NCBP3: variants seen among roughly 807,000 people sequenced by gnomAD.
NCBP3 encodes nuclear cap binding subunit 3, also known as nuclear cap-binding protein subunit 3.
NCBP3 carries 20 observed loss-of-function variants against 75.7 expected under a neutral mutation model. The observed-to-expected ratio is 0.26, with a 90% CI of 0.19 to 0.38. The LOEUF is 0.38. NCBP3 is among the 10% of genes least tolerant of loss of function. NCBP3 has a pLI of 1.00. For missense variants in NCBP3, 678 were observed against 796.9 expected, an observed-to-expected ratio of 0.85 and a Z score of 1.80; for synonymous variants, 293 against 290.5, an observed-to-expected ratio of 1.01 and a Z score of -0.09.
At chr17:3,816,804 C>T (rs1266833892) in intron 10 of NCBP3, among the ~76,000 whole-genome samples, 2 of 152,158 alleles carry the variant, frequency 1.3e-5, no homozygotes, top group African/African-American at 4.8e-5. Context: ...GAAGCTGAGG[C>T]GGGCGGATCA....
chr17:3,814,336 C>T lies in NCBP3; in HGVS notation c.1613G>A (p.Arg538Gln), dbSNP rs566972085. The change falls in exon 12 of 13, where the codon CGG (arginine) becomes CAG (glutamine). Residue 538 changes from arginine (R) to glutamine (Q), a missense_variant. This residue lies in a region of NCBP3 where 365 missense variants were observed against 392.7 expected (regional missense o/e 0.93). Coordinates refer to ENST00000389005, the MANE Select transcript of NCBP3 (RefSeq NM_001114118.3). Reference protein sequence around the residue: ...QDSKGLYADTREKKSGNLWTR... With the variant: ...QDSKGLYADTQEKKSGNLWTR... The stretch of plus-strand genomic sequence containing the variant: ...GTGTTACCAACCTGATTTCTTCTCC[C>T]GAGTATCGGCGTAGAGGCCTTTACT... The T allele has an allele frequency of 2.5e-5, 41 of 1,614,024 alleles. No homozygotes were observed. The highest frequency in any genetic ancestry group is 2.1e-4 in the South Asian group (19 of 91,056).
chr17:3,843,243 CTTT>C (rs5818919), intron 1 of NCBP3, 92 bp from the exon 2 acceptor site: 1,748 of 688,830 alleles, frequency 2.5e-3, no homozygotes, highest in Middle Eastern at 3.1e-3. Context: ...TTCTTTTTTC[CTTT>C]TTTTTTTTTT....
chr17:3,824,758 T>C (rs1435784098), intron 7 of NCBP3, 184 bp downstream of exon 7: 2 of 370,088 alleles, frequency 5.4e-6, no homozygotes, highest in Non-Finnish European at 9.6e-6. Flanking sequence ...ATAGTTAATA[T>C]TCACTTTTAA....
Position 3,807,610 on chromosome 17 carries a change from GA to G in NCBP3, c.*5433del, listed in dbSNP as rs1317763688. On this transcript the variant is annotated 3_prime_UTR_variant, in exon 13 of 13. Coordinates refer to ENST00000389005, the MANE Select transcript of NCBP3 (RefSeq NM_001114118.3). ...AAGGATACAGAGATAACACCACAAA[GA>G]AACTTGCTCATTAGGAGCTTGCTTA... is the stretch of plus-strand genomic sequence containing the variant. The G allele has an allele frequency of 1.3e-5, 2 of 152,136 alleles. No individual in the cohort carries two copies. The highest frequency in any genetic ancestry group is 2.9e-5 in the Non-Finnish European group (2 of 68,032). 9.4% of individuals were successfully genotyped at this position (152,136 alleles called of 1,614,324 possible).
chr17:3,816,006 G>T, intron 11 of NCBP3, 110 bp downstream of exon 11: 1 of 1,009,562 alleles, frequency 9.9e-7, no homozygotes. Flanking sequence ...GATGAACCAG[G>T]ACAGCTAAAT....
intron 6 of NCBP3, 37 bp downstream of exon 6, chr17:3,825,730 A>G: frequency 6.8e-7 from 1 of 1,460,214 alleles, no homozygotes; most frequent in Non-Finnish European, 9.3e-7. Context: ...GCAATTTTTT[A>G]CAATAACTTT....
chr17:3,822,317 C>T (rs1434343920), intron 7 of NCBP3: 2 of 316,316 alleles, frequency 6.3e-6, no homozygotes, highest in Admixed American at 9.6e-5. Flanking sequence ...ATAAACAATA[C>T]AAGATACAAG....
At chr17:3,815,806 A>T (rs963928725) in intron 11 of NCBP3, among the ~76,000 whole-genome samples, 3 of 152,198 alleles carry the variant, frequency 2.0e-5, no homozygotes, top group Non-Finnish European at 4.4e-5. Flanking sequence ...GTCACTTTAT[A>T]TAAGGGACTT....
At position 3,806,428 on chromosome 17, in the gene NCBP3, A is replaced by G. The variant is rs1485610854; in HGVS notation, c.*6616T>C. ...GTGGGCCTCTCGACCTCACTAACCTATATTGGCCCAGAGGTGATGGTGACA... is the reference window on the plus strand; with the variant it reads ...GTGGGCCTCTCGACCTCACTAACCTGTATTGGCCCAGAGGTGATGGTGACA... On this transcript the variant is annotated 3_prime_UTR_variant, in exon 13 of 13. Coordinates refer to ENST00000389005, the MANE Select transcript of NCBP3 (RefSeq NM_001114118.3). 6.6e-6 allele frequency: 1 copy of G among 152,218 alleles called. No individual in the cohort carries two copies. The highest frequency in any genetic ancestry group is 2.4e-5 in the African/African-American group (1 of 41,450). 9.4% of individuals were successfully genotyped at this position (152,218 alleles called of 1,614,324 possible). A position where few individuals can be genotyped will look rare whatever the true frequency, so the allele number is the denominator to read the frequency against.
intron 12 of NCBP3, among the ~76,000 whole-genome samples, chr17:3,813,904 T>TC (rs534143456): frequency 5.3e-5 from 8 of 152,118 alleles, no homozygotes; most frequent in South Asian, 2.1e-4. Flanking sequence ...CCTCAAGTGA[T>TC]CCCCCCGTCT....
intron 4 of NCBP3, among the ~76,000 whole-genome samples, chr17:3,828,897 A>C (rs1230552300): frequency 2.0e-5 from 3 of 152,178 alleles, no homozygotes; most frequent in African/African-American, 4.8e-5. Context: ...CAAGGCTCTG[A>C]AAATGCAGCC....
At chr17:3,817,181 T>C (rs1263563910) in intron 10 of NCBP3, among the ~76,000 whole-genome samples, 1 of 152,210 alleles carries the variant, frequency 6.6e-6, no homozygotes, top group African/African-American at 2.4e-5. Flanking sequence ...CAGAATCTGC[T>C]CACCCCTAGT....
At chr17:3,825,122 A>T (rs927879590) in intron 6 of NCBP3, 72 bp from the exon 7 acceptor site, 3 of 803,660 alleles carry the variant, frequency 3.7e-6, no homozygotes, top group Non-Finnish European at 5.8e-6. Context: ...TAAAGCTACC[A>T]TTAAGAAAAG....
Position 3,806,086 on chromosome 17 carries a change from C to CTCTTTTTTTTTT in NCBP3, c.*6957_*6958insAAAAAAAAAAGA, listed in dbSNP as rs2053333253. The CTCTTTTTTTTTT allele has an allele frequency of 6.7e-6, 1 of 148,516 alleles. No individual in the cohort carries two copies. Among genetic ancestry groups the CTCTTTTTTTTTT allele is most frequent in the African/African-American group, 2.5e-5 (1 of 39,582 alleles). The allele number at this position is 148,516 out of a possible 1,614,324, so 9.2% of individuals were successfully genotyped here. ...AGGGACAGGAAGGTGAGAATCCTTT[C>CTCTTTTTTTTTT]TTTTTTTTTTGAGACGGAGTCTCGC... On this transcript the variant is annotated 3_prime_UTR_variant, in exon 13 of 13. Coordinates refer to ENST00000389005, the MANE Select transcript of NCBP3 (RefSeq NM_001114118.3).
chr17:3,812,639 AG>A lies in NCBP3; in HGVS notation c.*404del. The A allele has an allele frequency of 9.9e-7, 1 of 1,014,948 alleles. No individual in the cohort carries two copies. The highest frequency in any genetic ancestry group is 1.7e-5 in the African/African-American group (1 of 57,698). 62.9% of individuals were successfully genotyped at this position (1,014,948 alleles called of 1,614,324 possible). On this transcript the variant is annotated 3_prime_UTR_variant, in exon 13 of 13. Transcript: ENST00000389005. ...CTGGGAATTGACTTTTCTTGGGAAA[AG>A]GGTGCTGGTAACAGCTGTCAGGGCC...
At chr17:3,836,408 A>G (rs1253918426) in intron 3 of NCBP3, among the ~76,000 whole-genome samples, 4 of 152,150 alleles carry the variant, frequency 2.6e-5, no homozygotes, top group African/African-American at 9.6e-5. Context: ...TAATCCCAGC[A>G]CTTTGGGAGG....
chr17:3,813,100 A>C lies in NCBP3; in HGVS notation c.1807T>G (p.Ser603Ala), dbSNP rs1391686497. 1 of 1,614,210 alleles carries C rather than the reference A, an allele frequency of 6.2e-7. No homozygotes were observed. The highest frequency in any genetic ancestry group is 1.7e-5 in the Admixed American group (1 of 60,026). Residue 603 changes from serine (S) to alanine (A), a missense_variant, in exon 13 of 13, where the codon TCT becomes GCT. Around this residue, in one of 7 missense-constraint regions of NCBP3, gnomAD observed 365 missense variants for 392.7 expected, o/e 0.93. Transcript: ENST00000389005. Reference sequence around the variant, plus strand: ...TCCCGACTAACTTCAATCTGGAGAGATGGTAAGTTATCTAACCGGCTCTTC... The same window carrying C: ...TCCCGACTAACTTCAATCTGGAGAGCTGGTAAGTTATCTAACCGGCTCTTC... ...QKKSRLDNLP[S>A]LQIEVSRESS...
chr17:3,843,701 C>A (rs2054107259), intron 1 of NCBP3, among the ~76,000 whole-genome samples: 1 of 152,220 alleles, frequency 6.6e-6, no homozygotes, highest in Non-Finnish European at 1.5e-5. Context: ...CATGTGCCAC[C>A]ACCGCCAGCT....
chr17:3,845,389 T>C (rs1460610537), intron 1 of NCBP3, among the ~76,000 whole-genome samples: 1 of 152,050 alleles, frequency 6.6e-6, no homozygotes, highest in African/African-American at 2.4e-5. Flanking sequence ...GCAAAACACC[T>C]CTCACCATCC....
Sources: allele counts gnomAD v4.1 joint callset (sites outside exome capture counted in the v4.1 genomes callset), GRCh38; gene constraint gnomAD v4.1.1; regional missense constraint gnomAD v4.1.1; transcripts MANE v1.5; gene names NCBI Gene and HGNC (gene_info 2026-07-23, HGNC 2026-07-21).